The following MACF1 variants were observed in gnomAD, a reference collection of about 807,000 sequenced individuals.
The protein encoded by MACF1 is microtubule actin crosslinking factor 1.
In MACF1, 193 loss-of-function variants were observed where a neutral mutation model predicts 854.8. That is an observed-to-expected ratio of 0.23 (90% CI 0.20 to 0.25). The LOEUF (loss-of-function observed/expected upper bound fraction) is 0.25. Among genes scored for constraint, MACF1 ranks in the 10% least tolerant of loss-of-function variants. The pLI is 1.00. For missense variants in MACF1, 7,722 were observed against 8,929.1 expected (o/e 0.86, Z 5.45); for synonymous variants, 3,185 against 3,226.7 (o/e 0.99, Z 0.44).
chr1:39,318,418 AG>A, intron 29 of MACF1, 34 bp from the exon 30 acceptor site: 1 of 1,593,564 alleles, frequency 6.3e-7, no homozygotes, highest in Non-Finnish European at 8.6e-7. Context: ...ATTTGTACCA[AG>A]GTATCTGATA....
At chr1:39,098,451 T>C (rs1571035145) in intron 2 of MACF1, among the ~76,000 whole-genome samples, 1 of 152,248 alleles carries the variant, frequency 6.6e-6, no homozygotes. Flanking sequence ...AGTAGTTTAA[T>C]AACAGCTAAC....
rs191622677 is a variant in MACF1, at chr1:39,136,461, T to C, written c.220+52023T>C. Among the ~76,000 whole-genome samples, 306 of 152,226 alleles carry C rather than the reference T, an allele frequency of 2.0e-3. 2 individuals carry two copies. Among genetic ancestry groups the C allele is most frequent in the African/African-American group, 7.1e-3 (296 of 41,536 alleles). On this transcript the variant is annotated intron_variant, in intron 2 of 93. Coordinates refer to the MACF1 transcript ENST00000361689. ...TGGATTCTCCTGTTTGTTTATAGGG[T>C]GGAAGGCGTGGTTTATACTGGTTTG...
chr1:39,301,732 GT>G lies in MACF1; in HGVS notation c.2635-1182del, dbSNP rs373927324. 4.1e-4 allele frequency among the ~76,000 whole-genome samples: 61 copies of G among 148,484 alleles called. No homozygotes were observed. In the East Asian group the frequency reaches 7.9e-3, roughly 19 times the overall value. On this transcript the variant is annotated intron_variant, in intron 22 of 100. Transcript: ENST00000564288. ...AAGCCACTGCGCCCAGCGTTTGTTT[GT>G]TTTTTTTTTCCTTTAAATAACAATC...
In MACF1 at chr1:39,360,719, A is replaced by AT. The variant is rs1553305156; in HGVS notation, c.12245-72dup. 3.5e-3 allele frequency: 1,562 copies of AT among 440,522 alleles called. 27 individuals carry two copies. The highest frequency in any genetic ancestry group is 0.029 in the African/African-American group (1,360 of 46,742). The allele number at this position is 440,522 out of a possible 1,614,324, so 27.3% of individuals were successfully genotyped here. A position where few individuals can be genotyped will look rare whatever the true frequency, so the allele number is the denominator to read the frequency against. On this transcript the variant is annotated intron_variant, in intron 47 of 100. Transcript: ENST00000564288. Reference sequence around the variant, plus strand: ...TTTTTATTATTTATTATTTAATAATATTAATAATAAAGTCTTTAAAAGCAT... The same window carrying AT: ...TTTTTATTATTTATTATTTAATAATATTTAATAATAAAGTCTTTAAAAGCAT...
intron 21 of MACF1, 53 bp from the exon 22 acceptor site, chr1:39,300,157 G>T: frequency 6.3e-7 from 1 of 1,581,464 alleles, no homozygotes; most frequent in Non-Finnish European, 8.6e-7. Flanking sequence ...TGTTGACTTA[G>T]TCACCCTGAG....
chr1:39,381,858 G>T (rs1009140586), intron 55 of MACF1, 95 bp from the exon 56 acceptor site: 4 of 854,234 alleles, frequency 4.7e-6, no homozygotes, highest in African/African-American at 3.3e-5. Context: ...AACGCTTCTG[G>T]GGTCATTTCC....
chr1:39,131,038 A>G (rs1480562337), intron 2 of MACF1, among the ~76,000 whole-genome samples: 7 of 151,338 alleles, frequency 4.6e-5, no homozygotes, highest in Non-Finnish European at 1.0e-4. Context: ...TTCCAGTAGA[A>G]ACGGGGTTTC....
At chr1:39,474,908 G>A (rs1398192468) in intron 97 of MACF1, among the ~76,000 whole-genome samples, 2 of 152,180 alleles carry the variant, frequency 1.3e-5, no homozygotes, top group African/African-American at 4.8e-5. Context: ...GAAACCACAA[G>A]TTCATATGAA....
At chr1:39,294,953 G>T in intron 18 of MACF1, 93 bp from the exon 19 acceptor site, 1 of 872,046 alleles carries the variant, frequency 1.1e-6, no homozygotes, top group Non-Finnish European at 1.9e-6. Flanking sequence ...TATATTGTAG[G>T]TTCCTTTAAA....
chr1:39,115,875 C>T (rs1036150065), intron 2 of MACF1, among the ~76,000 whole-genome samples: 4 of 152,112 alleles, frequency 2.6e-5, no homozygotes, highest in African/African-American at 9.7e-5. Context: ...GTGTGACACA[C>T]ATTGTAGATT....
intron 34 of MACF1, 124 bp from the exon 35 acceptor site, chr1:39,324,522 A>G (rs1249879205): frequency 2.9e-6 from 3 of 1,031,968 alleles, no homozygotes; most frequent in Admixed American, 5.4e-5. Context: ...GCTGTAGCTC[A>G]TTGGTGATAA....
intron 58 of MACF1, among the ~76,000 whole-genome samples, chr1:39,398,525 C>T (rs928272428): frequency 7.9e-5 from 12 of 152,020 alleles, no homozygotes; most frequent in East Asian, 3.9e-4. Flanking sequence ...CACAGGATGA[C>T]GGCCCCTTAC....
chr1:39,461,837 A>G (rs1644562182), intron 92 of MACF1, 46 bp from the exon 93 acceptor site: 3 of 1,454,498 alleles, frequency 2.1e-6, no homozygotes, highest in South Asian at 1.3e-5. Context: ...CGCCAACCGA[A>G]CAAGTACCCC....
At position 39,439,414 on chromosome 1, in the gene MACF1, A is replaced by G; in HGVS notation, c.18361A>G (p.Ile6121Val). The G allele has an allele frequency of 6.2e-7, 1 of 1,614,224 alleles. No individual in the cohort carries two copies. The highest frequency in any genetic ancestry group is 2.2e-5 in the East Asian group (1 of 44,880). ...TGACATGGCAGCTCTCCTGACCACCATCAAAGACACCCAGGATATTGTCCA... is the reference window on the plus strand; with the variant it reads ...TGACATGGCAGCTCTCCTGACCACCGTCAAAGACACCCAGGATATTGTCCA... ...WYDMAALLTT[I>V]KDTQDIVHDL... Residue 6121 changes from isoleucine (I) to valine (V), a missense_variant, in exon 72 of 101, where the codon ATC becomes GTC. Physicochemically the swap from Ile to Val is conservative, Grantham distance 29. Transcript: ENST00000564288.
chr1:39,303,757 G>A (rs1181407095), intron 23 of MACF1, among the ~76,000 whole-genome samples: 2 of 151,436 alleles, frequency 1.3e-5, no homozygotes, highest in African/African-American at 2.4e-5. Flanking sequence ...CCAGCTACTC[G>A]GGAGGCTGAG....
At chr1:39,419,515 T>C (rs186468199) in intron 58 of MACF1, among the ~76,000 whole-genome samples, 26 of 152,356 alleles carry the variant, frequency 1.7e-4, no homozygotes, top group Admixed American at 1.4e-3. Flanking sequence ...ATGTAGATAT[T>C]CCAAAATTTT....
At chr1:39,393,674 C>T (rs977719605) in intron 58 of MACF1, among the ~76,000 whole-genome samples, 2 of 151,830 alleles carry the variant, frequency 1.3e-5, no homozygotes, top group African/African-American at 2.4e-5. Context: ...CTAGGCATGA[C>T]GGCACATGCT....
chr1:39,129,382 G>A (rs772188589), intron 2 of MACF1, among the ~76,000 whole-genome samples: 17 of 152,194 alleles, frequency 1.1e-4, no homozygotes, highest in African/African-American at 2.4e-4. Flanking sequence ...AAAGGCTGGC[G>A]TATTGCAGAG....
rs576249218 is a variant in MACF1, at chr1:39,316,639, A to G, written c.3588+110A>G. 5 of 1,003,446 alleles carry G rather than the reference A, an allele frequency of 5.0e-6. No individual in the cohort carries two copies. In the African/African-American group the frequency reaches 6.5e-5, roughly 13 times the overall value. 62.2% of individuals were successfully genotyped at this position (1,003,446 alleles called of 1,614,324 possible). A position where few individuals can be genotyped will look rare whatever the true frequency, so the allele number is the denominator to read the frequency against. On this transcript the variant is annotated intron_variant, in intron 28 of 100. Transcript: ENST00000564288. The stretch of plus-strand genomic sequence containing the variant: ...GACACTGATTTAAATTTGCATTTGA[A>G]TAAGGCAGAATGTCATTAAATATAT...
Sources: allele counts gnomAD v4.1 joint callset (sites outside exome capture counted in the v4.1 genomes callset), GRCh38; gene constraint gnomAD v4.1.1; transcripts MANE v1.5; gene names NCBI Gene and HGNC (gene_info 2026-07-23, HGNC 2026-07-21).